Variants in PDE7B observed in about 807,000 individuals in gnomAD.
The protein encoded by PDE7B is 3',5'-cyclic-AMP phosphodiesterase 7B.
In PDE7B, 29 loss-of-function variants were observed where a neutral mutation model predicts 56.2. That is an observed-to-expected ratio of 0.52 (90% confidence interval 0.38 to 0.70). PDE7B has a LOEUF of 0.70. PDE7B is among the 30% of genes least tolerant of loss of function. PDE7B has a pLI of 0.00. For missense variants in PDE7B, 490 were observed against 565.0 expected (o/e 0.87, Z 1.35); for synonymous variants, 197 against 196.9 (o/e 1.00, Z 0.00).
chr6:135,896,223 T>C (rs1775899513), intron 1 of PDE7B, among the ~76,000 whole-genome samples: 1 of 152,064 alleles, frequency 6.6e-6, no homozygotes, highest in African/African-American at 2.4e-5. Flanking sequence ...AAAGCACAAG[T>C]AGCAAGGTGG....
In PDE7B at chr6:135,900,178, T is replaced by C. The variant is rs529664941; in HGVS notation, c.22-47286T>C. On this transcript the variant is annotated intron_variant, in intron 1 of 12. Transcript: ENST00000308191. The stretch of plus-strand genomic sequence containing the variant: ...TAGTTTGTTAGCATGAAGTCTTCTC[T>C]TTTTTATTAAAATTTAATATCTCGG... Among the ~76,000 whole-genome samples the C allele has an allele frequency of 2.1e-3, 323 of 152,230 alleles. 1 individual carries two copies. The highest frequency in any genetic ancestry group is 7.2e-3 in the African/African-American group (299 of 41,568).
intron 1 of PDE7B, among the ~76,000 whole-genome samples, chr6:135,889,684 G>A (rs1396432503): frequency 1.1e-4 from 16 of 142,102 alleles, no homozygotes; most frequent in African/African-American, 3.7e-4. Context: ...CAGGTTATCC[G>A]CCCACCTCAG....
chr6:136,037,045 C>G (rs1201364650), intron 2 of PDE7B, among the ~76,000 whole-genome samples: 1 of 152,170 alleles, frequency 6.6e-6, no homozygotes, highest in Non-Finnish European at 1.5e-5. Context: ...GAGGCATGGC[C>G]CACAGTTGAT....
intron 3 of PDE7B, among the ~76,000 whole-genome samples, chr6:136,125,860 T>C (rs1363390178): frequency 6.6e-6 from 1 of 152,096 alleles, no homozygotes. Flanking sequence ...GAAAGACTTC[T>C]AACCCTCTCA....
intron 1 of PDE7B, among the ~76,000 whole-genome samples, chr6:135,927,430 G>A (rs1015838787): frequency 1.3e-5 from 2 of 152,058 alleles, no homozygotes; most frequent in Non-Finnish European, 2.9e-5. Context: ...GAAAAATGAT[G>A]TTGGTAGTTT....
chr6:135,865,615 T>TGTGTGTGTGTG (rs1775239887), intron 1 of PDE7B, among the ~76,000 whole-genome samples: 2 of 142,270 alleles, frequency 1.4e-5, no homozygotes, highest in African/African-American at 5.2e-5. Context: ...GCACTAGGCA[T>TGTGTGTGTGTG]TGTGTGTGTG....
Position 135,946,570 on chromosome 6 carries a change from T to C in PDE7B, c.22-894T>C, listed in dbSNP as rs148749507. Among the ~76,000 whole-genome samples the C allele has an allele frequency of 1.1e-4, 17 of 152,246 alleles. No individual in the cohort carries two copies. The East Asian group carries it at 3.3e-3, about 29-fold the overall frequency. On this transcript the variant is annotated intron_variant, in intron 1 of 12. Coordinates refer to ENST00000308191, the MANE Select transcript of PDE7B (RefSeq NM_018945.4). Reference sequence around the variant, plus strand: ...TCTACAGTCTTGAAAACACTTGTTATTGCCAGACTTCTAAATTTTGTGAAA... The same window carrying C: ...TCTACAGTCTTGAAAACACTTGTTACTGCCAGACTTCTAAATTTTGTGAAA...
intron 2 of PDE7B, among the ~76,000 whole-genome samples, chr6:136,102,266 T>C (rs1777574737): frequency 6.7e-6 from 1 of 148,430 alleles, no homozygotes; most frequent in South Asian, 2.1e-4. Flanking sequence ...AAGGAGCTGG[T>C]AGGGGGTGGG....
At chr6:135,961,285 G>A (rs1364626006) in intron 2 of PDE7B, among the ~76,000 whole-genome samples, 8 of 143,676 alleles carry the variant, frequency 5.6e-5, no homozygotes, top group African/African-American at 1.4e-4. Context: ...GTGTGTATGT[G>A]TGTGTGTGTG....
intron 3 of PDE7B, among the ~76,000 whole-genome samples, chr6:136,122,981 G>A (rs965293481): frequency 2.6e-5 from 4 of 152,142 alleles, no homozygotes; most frequent in Admixed American, 6.6e-5. Context: ...CACTCCATTC[G>A]TATTTACTGA....
intron 2 of PDE7B, among the ~76,000 whole-genome samples, chr6:135,978,530 C>T (rs544414469): frequency 5.3e-5 from 8 of 152,126 alleles, no homozygotes; most frequent in African/African-American, 1.9e-4. Flanking sequence ...AATTTTTTTA[C>T]TTTATGAACT....
chr6:136,175,548 C>CT (rs1778963661), intron 9 of PDE7B, among the ~76,000 whole-genome samples: 1 of 152,004 alleles, frequency 6.6e-6, no homozygotes, highest in Admixed American at 6.6e-5. Context: ...TTCTTTTAGT[C>CT]TTTTTTCAAT....
chr6:135,962,827 G>C (rs1332624587), intron 2 of PDE7B, among the ~76,000 whole-genome samples: 1 of 152,144 alleles, frequency 6.6e-6, no homozygotes, highest in Non-Finnish European at 1.5e-5. Context: ...CCTGAGATCA[G>C]CCATCCTTTT....
At chr6:135,974,530 AAAGT>A (rs1355189459) in intron 2 of PDE7B, among the ~76,000 whole-genome samples, 12 of 152,204 alleles carry the variant, frequency 7.9e-5, no homozygotes, top group Non-Finnish European at 1.5e-4. Flanking sequence ...GAAAGAAAAG[AAAGT>A]AAATGATTTC....
At chr6:136,035,542 AT>A (rs1340533570) in intron 2 of PDE7B, among the ~76,000 whole-genome samples, 1 of 152,162 alleles carries the variant, frequency 6.6e-6, no homozygotes, top group Non-Finnish European at 1.5e-5. Context: ...TTCTTGTGGT[AT>A]TTTTGCCCTT....
At chr6:136,054,944 C>T (rs1045659470) in intron 2 of PDE7B, among the ~76,000 whole-genome samples, 1 of 152,186 alleles carries the variant, frequency 6.6e-6, no homozygotes, top group African/African-American at 2.4e-5. Context: ...CAGGAAATAC[C>T]TGCCCCCATG....
intron 1 of PDE7B, among the ~76,000 whole-genome samples, chr6:135,911,862 G>A (rs1776218047): frequency 6.6e-6 from 1 of 152,250 alleles, no homozygotes; most frequent in Non-Finnish European, 1.5e-5. Flanking sequence ...TTGACTACTA[G>A]AAATATTTAG....
At chr6:135,880,501 CACAG>C (rs1775588421) in intron 1 of PDE7B, among the ~76,000 whole-genome samples, 1 of 152,088 alleles carries the variant, frequency 6.6e-6, no homozygotes, top group Non-Finnish European at 1.5e-5. Flanking sequence ...AGGAAAACAT[CACAG>C]ACATAGTCTG....
chr6:136,029,972 T>C (rs924689493), intron 2 of PDE7B, among the ~76,000 whole-genome samples: 48 of 152,206 alleles, frequency 3.2e-4, no homozygotes, highest in African/African-American at 1.1e-3. Context: ...TAAATTCTCC[T>C]GCCATTACCG....
Sources: gnomAD v4.1 joint callset for allele counts (sites outside exome capture counted in the v4.1 genomes callset) on GRCh38, gnomAD v4.1.1 for gene constraint, MANE v1.5 for transcripts, NCBI Gene and HGNC (gene_info 2026-07-23, HGNC 2026-07-21) for gene names.